The following ANO1 variants were observed in gnomAD, a reference collection of about 807,000 sequenced individuals.
ANO1 encodes the protein anoctamin-1.
Under a neutral mutation model 124.0 loss-of-function variants are expected in ANO1, and 59 were observed. The observed-to-expected ratio is 0.48, with a 90% CI of 0.39 to 0.59. The LOEUF (loss-of-function observed/expected upper bound fraction) is 0.59, where lower values mean the gene tolerates loss of function less well. ANO1 is among the 20% of genes least tolerant of loss of function. The pLI is 0.00. For missense variants in ANO1, 1,059 were observed against 1,328.0 expected, an observed-to-expected ratio of 0.80 and a Z score of 3.15; for synonymous variants, 529 against 532.0, an observed-to-expected ratio of 0.99 and a Z score of 0.08.
At chr11:70,061,493 TCTTTCTCTCTCTCTCCCCTCCTCC>T (rs1857577233) in intron 1 of ANO1, among the ~76,000 whole-genome samples, 1 of 139,834 alleles carries the variant, frequency 7.2e-6, no homozygotes, top group African/African-American at 2.6e-5. Context: ...TCCCCCTCTC[TCTTTCTCTCTCTCTCCCCTCCTCC>T]CTTTCTCTCT....
chr11:70,099,698 T>G (rs551991397), intron 2 of ANO1, among the ~76,000 whole-genome samples: 2 of 152,314 alleles, frequency 1.3e-5, no homozygotes, highest in Non-Finnish European at 2.9e-5. Flanking sequence ...CGAAGGAGTC[T>G]GTGCTTGCAC....
At chr11:70,111,573 G>C (rs1647828142) in intron 6 of ANO1, 134 bp from the exon 7 acceptor site, 1 of 796,816 alleles carries the variant, frequency 1.3e-6, no homozygotes, top group Admixed American at 2.1e-5. Context: ...AGGTGGCCGG[G>C]CTCTGCGTAG....
intron 10 of ANO1, among the ~76,000 whole-genome samples, chr11:70,127,135 A>G: frequency 6.9e-6 from 1 of 145,534 alleles, no homozygotes; most frequent in Non-Finnish European, 1.5e-5. Context: ...AGGAGGTGAG[A>G]CGTGAACGCT....
chr11:70,050,294 A>G (rs893819893), intron 1 of ANO1, among the ~76,000 whole-genome samples: 15 of 152,154 alleles, frequency 9.9e-5, no homozygotes, highest in African/African-American at 3.4e-4. Flanking sequence ...TTCGGTGACT[A>G]TTGACACAGA....
rs782611995 is a variant in ANO1, at chr11:70,006,578, TCTTA to T, written c.58+20420_58+20423del. 7.7e-4 allele frequency among the ~76,000 whole-genome samples: 38 copies of T among 49,562 alleles called. 2 individuals are homozygous for T. In the South Asian group the frequency reaches 0.014, roughly 18 times the overall value. The allele number at this position is 49,562 out of a possible 152,430, so 32.5% of individuals were successfully genotyped here. On this transcript the variant is annotated intron_variant, in intron 1 of 27. Coordinates refer to the ANO1 transcript ENST00000531349. Reference sequence around the variant, plus strand: ...TCTTTCTTTCTTTTCTTTCTTTCTTTCTTACTTACTTTCTTTCTTTCCTTCTTTC... The same window carrying T: ...TCTTTCTTTCTTTTCTTTCTTTCTTTCTTACTTTCTTTCTTTCCTTCTTTC...
At chr11:70,175,271 C>A (rs1427315526) in intron 22 of ANO1, among the ~76,000 whole-genome samples, 1 of 152,278 alleles carries the variant, frequency 6.6e-6, no homozygotes, top group Non-Finnish European at 1.5e-5. Context: ...GGATCAGCTA[C>A]TCACTTCCTG....
At chr11:70,021,375 C>T (rs112972538) in intron 1 of ANO1, among the ~76,000 whole-genome samples, 33 of 152,110 alleles carry the variant, frequency 2.2e-4, no homozygotes, top group African/African-American at 7.0e-4. Context: ...AGGGGGCTGT[C>T]GTGACCTATA....
At chr11:69,972,853 G>A in the ANO1 span, among the ~76,000 whole-genome samples, 1 of 151,922 alleles carries the variant, frequency 6.6e-6, no homozygotes, top group Non-Finnish European at 1.5e-5. Flanking sequence ...CATACTCAGT[G>A]GGACCCTCCC....
At chr11:69,992,727 C>T (rs1742725040) in intron 1 of ANO1, among the ~76,000 whole-genome samples, 1 of 152,198 alleles carries the variant, frequency 6.6e-6, no homozygotes, top group Non-Finnish European at 1.5e-5. Flanking sequence ...ACTGGAGAGG[C>T]TGGACTGTTT....
intron 1 of ANO1, among the ~76,000 whole-genome samples, chr11:70,035,636 G>A (rs1857081642): frequency 6.6e-6 from 1 of 151,862 alleles, no homozygotes; most frequent in Non-Finnish European, 1.5e-5. Context: ...CATCATCTAA[G>A]TTTTAAGCCC....
chr11:69,990,037 A>G (rs782135015), intron 1 of ANO1, among the ~76,000 whole-genome samples: 6 of 152,184 alleles, frequency 3.9e-5, no homozygotes, highest in South Asian at 2.1e-4. Flanking sequence ...ATTCAGTGGC[A>G]TTAAATACAT....
At chr11:70,042,542 A>G (rs1428703504) in intron 1 of ANO1, among the ~76,000 whole-genome samples, 2 of 151,250 alleles carry the variant, frequency 1.3e-5, no homozygotes, top group Non-Finnish European at 2.9e-5. Flanking sequence ...AGAGAGATTG[A>G]GAGATTGAGA....
intron 14 of ANO1, among the ~76,000 whole-genome samples, chr11:70,154,546 A>C (rs911811803): frequency 4.2e-5 from 6 of 142,004 alleles, no homozygotes; most frequent in African/African-American, 1.6e-4. Context: ...AGCTCACTGC[A>C]AGCTCTGCCT....
intron 7 of ANO1, among the ~76,000 whole-genome samples, chr11:70,112,457 C>T (rs2045821807): frequency 6.6e-6 from 1 of 152,216 alleles, no homozygotes; most frequent in South Asian, 2.1e-4. Context: ...TGCTCCTCCG[C>T]CTTGAGTGGT....
At chr11:70,165,409 A>C in intron 19 of ANO1, 61 bp from the exon 20 acceptor site, 3 of 1,424,216 alleles carry the variant, frequency 2.1e-6, no homozygotes, top group Non-Finnish European at 2.9e-6. Context: ...GCCTCCCTGC[A>C]GGGCTGGGGT....
intron 1 of ANO1, among the ~76,000 whole-genome samples, chr11:70,041,114 C>T (rs1857176813): frequency 6.6e-6 from 1 of 152,152 alleles, no homozygotes; most frequent in African/African-American, 2.4e-5. Context: ...CCACCCCACC[C>T]CATGTGTGAC....
intron 1 of ANO1, among the ~76,000 whole-genome samples, chr11:70,081,797 A>C (rs2044210773): frequency 1.3e-5 from 2 of 152,174 alleles, no homozygotes; most frequent in Non-Finnish European, 2.9e-5. Flanking sequence ...TGTGGACCAG[A>C]TATAGGCTGC....
At chr11:70,019,250 C>CCT (rs1555002353) in intron 1 of ANO1, among the ~76,000 whole-genome samples, 1 of 130,694 alleles carries the variant, frequency 7.7e-6, no homozygotes, top group Non-Finnish European at 1.6e-5. Flanking sequence ...CCCCCACACA[C>CCT]ACACACACAC....
the ANO1 span, among the ~76,000 whole-genome samples, chr11:69,967,284 C>T: frequency 6.6e-6 from 1 of 151,478 alleles, no homozygotes; most frequent in African/African-American, 2.4e-5. Context: ...TAGCTAGCAT[C>T]AGGCTCCGAG....
Sources: allele counts gnomAD v4.1 joint callset (sites outside exome capture counted in the v4.1 genomes callset), GRCh38; gene constraint gnomAD v4.1.1; transcripts MANE v1.5; gene names NCBI Gene and HGNC (gene_info 2026-07-23, HGNC 2026-07-21).